TKT: variants seen among roughly 807,000 people sequenced by gnomAD.
TKT encodes transketolase, also known as epididymis luminal protein 107.
A neutral mutation model predicts 63.9 loss-of-function variants in TKT; 47 were observed. The observed-to-expected ratio is 0.74, with a 90% CI of 0.58 to 0.94. TKT has a LOEUF of 0.94. Among genes scored for constraint, TKT ranks in the 40% least tolerant of loss-of-function variants. The probability of loss-of-function intolerance (pLI) is 0.00; values close to 1 mark genes in which losing one functional copy is unlikely to be tolerated. For synonymous variants in TKT, 338 were observed against 334.1 expected, an observed-to-expected ratio of 1.01 and a Z score of -0.13; for missense variants, 721 against 846.2, an observed-to-expected ratio of 0.85 and a Z score of 1.84.
chr3:53,249,270 T>TA (rs1705648118), intron 1 of TKT, among the ~76,000 whole-genome samples: 1 of 149,334 alleles, frequency 6.7e-6, no homozygotes, highest in Admixed American at 6.7e-5. Flanking sequence ...ACACCTGGCC[T>TA]AAAAATTTGT....
At chr3:53,249,699 T>C (rs1269486978) in intron 1 of TKT, among the ~76,000 whole-genome samples, 2 of 151,716 alleles carry the variant, frequency 1.3e-5, no homozygotes, top group South Asian at 2.1e-4. Context: ...AGTGCACAAA[T>C]GCAACTGACT....
In TKT at chr3:53,234,975, G is replaced by A. The variant is rs370068824; in HGVS notation, c.629+8C>T. The A allele has an allele frequency of 2.8e-5, 45 of 1,607,840 alleles. No individual in the cohort carries two copies. In the African/African-American group the frequency reaches 4.8e-4, roughly 17 times the overall value. On this transcript the variant is annotated splice_region_variant and intron_variant, in intron 5 of 13. Transcript: ENST00000462138. ...GTGACCACACTCAGGCCACAGCCTCGTACATACCCGAAGGCCTCGCACCGC... is the reference window on the plus strand; with the variant it reads ...GTGACCACACTCAGGCCACAGCCTCATACATACCCGAAGGCCTCGCACCGC...
chr3:53,235,209 C>CACCTGG (rs1553678309), intron 4 of TKT, 35 bp from the exon 5 acceptor site: 1 of 1,561,492 alleles, frequency 6.4e-7, no homozygotes, highest in Non-Finnish European at 8.7e-7. Context: ...CAGTCCCTCT[C>CACCTGG]ACCTGGACCC....
At chr3:53,238,641 G>A (rs568754423) in intron 4 of TKT, among the ~76,000 whole-genome samples, 164 of 152,292 alleles carry the variant, frequency 1.1e-3, no homozygotes, top group African/African-American at 3.5e-3. Flanking sequence ...ACACCCTGCG[G>A]GCTGGCCCCA....
Position 53,225,730 on chromosome 3 carries a change from C to T in TKT, c.*26G>A. On this transcript the variant is annotated 3_prime_UTR_variant, in exon 14 of 14. Transcript: ENST00000462138. Reference sequence around the variant, plus strand: ...TCCCAGAATCTCAGGAATGTATAGACCCCCGCCCCACACTTCATACCCGCC... The same window carrying T: ...TCCCAGAATCTCAGGAATGTATAGATCCCCGCCCCACACTTCATACCCGCC... 2 of 1,586,838 alleles carry T rather than the reference C, an allele frequency of 1.3e-6. No homozygotes were observed. The highest frequency in any genetic ancestry group is 1.7e-6 in the Non-Finnish European group (2 of 1,162,692).
At position 53,235,043 on chromosome 3, in the gene TKT, C is replaced by T; in HGVS notation, c.569G>A (p.Ser190Asn). The T allele has an allele frequency of 6.2e-7, 1 of 1,614,030 alleles. No individual in the cohort carries two copies. Among genetic ancestry groups the T allele is most frequent in the Non-Finnish European group, 8.5e-7 (1 of 1,180,026 alleles). Residue 190 changes from serine to asparagine, a missense_variant, in exon 5 of 14, where the codon AGT becomes AAT. Coordinates refer to ENST00000462138, the MANE Select transcript of TKT (RefSeq NM_001064.4). Reference sequence around the variant, plus strand: ...CTGGTGCTGCAGTGGGGCCGGGTCACTCTGGCCCAGGCGATTGATGTCTAG... The same window carrying T: ...CTGGTGCTGCAGTGGGGCCGGGTCATTCTGGCCCAGGCGATTGATGTCTAG... ...AILDINRLGQ[S>N]DPAPLQHQMD...
At chr3:53,227,819 A>C in intron 12 of TKT, 1 of 460,338 alleles carries the variant, frequency 2.2e-6, no homozygotes, top group South Asian at 2.4e-5. Flanking sequence ...GGGGGTCTCG[A>C]CTTTAGAGTC....
chr3:53,237,495 T>TACACACAC (rs3075727), intron 4 of TKT, among the ~76,000 whole-genome samples: 3,984 of 144,864 alleles, frequency 0.028, 81 homozygotes, highest in East Asian at 0.066. Context: ...TTTTATATTA[T>TACACACAC]ACACACACAC....
At chr3:53,232,233 G>C in intron 6 of TKT, 1 of 398,110 alleles carries the variant, frequency 2.5e-6, no homozygotes, top group Non-Finnish European at 4.4e-6. Context: ...GCTGCAAGTG[G>C]TCCAGATCCT....
At chr3:53,231,322 A>C (rs1553676944) in intron 7 of TKT, 35 bp downstream of exon 7, 1 of 1,607,184 alleles carries the variant, frequency 6.2e-7, no homozygotes, top group Non-Finnish European at 8.5e-7. Flanking sequence ...AAACCTGAGA[A>C]CTATGGGTTC....
Position 53,230,511 on chromosome 3 carries a change from G to C in TKT, c.1053C>G (p.Phe351Leu), listed in dbSNP as rs781932908. The C allele has an allele frequency of 3.1e-6, 5 of 1,614,226 alleles. No individual in the cohort carries two copies. Among genetic ancestry groups the C allele is most frequent in the Non-Finnish European group, 3.4e-6 (4 of 1,180,028 alleles). Residue 351 changes from phenylalanine to leucine, a missense_variant, in exon 8 of 14, where the codon TTC becomes TTG. Phe to Leu is a conservative substitution (Grantham distance 22). Coordinates refer to ENST00000462138, the MANE Select transcript of TKT (RefSeq NM_001064.4). The part of the protein sequence containing the change: ...DTKNSTFSEI[F>L]KKEHPDRFIE... The stretch of plus-strand genomic sequence containing the variant: ...TGAAGCGGTCCGGGTGCTCCTTTTT[G>C]AAGATCTCCGAGAAGGTGGAATTTT...
chr3:53,228,339 G>A lies in TKT; in HGVS notation c.1416C>T (p.Thr472=), dbSNP rs781827194. The part of the protein sequence containing the change: ...ANTKGICFIR[T]SRPENAIIYN... ...AGATGATGGCATTTTCTGGGCGGCT[G>A]GTCCGGATGAAGCAGATACCCTGAG... Residue 472 remains threonine, a synonymous_variant, in exon 11 of 14, where the codon ACC becomes ACT. Transcript: ENST00000462138. The A allele has an allele frequency of 6.2e-7, 1 of 1,614,138 alleles. No homozygotes were observed.
At chr3:53,230,686 A>AG (rs1232478402) in intron 7 of TKT, 65 bp from the exon 8 acceptor site, 3 of 1,582,742 alleles carry the variant, frequency 1.9e-6, no homozygotes, top group Non-Finnish European at 2.6e-6. Flanking sequence ...TGCAGCCTGG[A>AG]GCCCTGCTTT....
chr3:53,236,008 G>C (rs1302974955), intron 4 of TKT, among the ~76,000 whole-genome samples: 1 of 43,386 alleles, frequency 2.3e-5, no homozygotes, highest in Admixed American at 2.5e-4. Flanking sequence ...TTGTCTGAAG[G>C]TCGCGCTGTC....
chr3:53,236,363 A>G (rs1705034771), intron 4 of TKT, among the ~76,000 whole-genome samples: 1 of 152,186 alleles, frequency 6.6e-6, no homozygotes, highest in Admixed American at 6.5e-5. Context: ...CAGCACTTCC[A>G]CATGCCAGCA....
intron 4 of TKT, among the ~76,000 whole-genome samples, chr3:53,239,920 C>G (rs925687341): frequency 1.3e-5 from 2 of 152,076 alleles, no homozygotes; most frequent in Admixed American, 6.5e-5. Context: ...GGGCACAGGG[C>G]TGGGGGCAAA....
chr3:53,237,523 C>CAT (rs1705088546), intron 4 of TKT, among the ~76,000 whole-genome samples: 1 of 146,772 alleles, frequency 6.8e-6, no homozygotes, highest in South Asian at 2.1e-4. Flanking sequence ...CACACACACA[C>CAT]ACACACACAC....
At chr3:53,240,798 C>G (rs938297812) in intron 3 of TKT, among the ~76,000 whole-genome samples, 2 of 152,214 alleles carry the variant, frequency 1.3e-5, no homozygotes, top group Non-Finnish European at 2.9e-5. Context: ...TCGCCAGCAT[C>G]CTGCAGCCAC....
rs1705207621 is a variant in TKT, at chr3:53,240,147, T to C, written c.437+104A>G. On this transcript the variant is annotated intron_variant, in intron 4 of 13. Transcript: ENST00000462138. The stretch of plus-strand genomic sequence containing the variant: ...GCCACGCATATGTATTACTCTGCCC[T>C]AGCCAGGAAAGAGGAAGAGTCTGGG... The C allele has an allele frequency of 3.5e-6, 4 of 1,132,544 alleles. No individual in the cohort carries two copies. The South Asian group carries it at 4.4e-5, about 13-fold the overall frequency. The allele number at this position is 1,132,544 out of a possible 1,614,324, so 70.2% of individuals were successfully genotyped here.
Sources: allele counts gnomAD v4.1 joint callset (sites outside exome capture counted in the v4.1 genomes callset), GRCh38; gene constraint gnomAD v4.1.1; transcripts MANE v1.5; gene names NCBI Gene and HGNC (gene_info 2026-07-23, HGNC 2026-07-21).